Variants in CACNA2D1 observed in about 807,000 individuals in gnomAD.
CACNA2D1 encodes the protein voltage-dependent calcium channel subunit alpha-2/delta-1.
In CACNA2D1, 53 loss-of-function variants were observed where a neutral mutation model predicts 171.5. The ratio of observed to expected loss-of-function variants is 0.31; its 90% CI spans 0.25 to 0.39. CACNA2D1 has a LOEUF of 0.39. Ranked by LOEUF, CACNA2D1 falls within the 10% of genes least tolerant of loss-of-function variation. CACNA2D1 has a pLI of 1.00. For missense variants in CACNA2D1, 903 were observed against 1,299.8 expected (o/e 0.69, Z 4.69); for synonymous variants, 442 against 443.1 (o/e 1.00, Z 0.03).
chr7:82,018,613 A>C (rs1317638611), intron 12 of CACNA2D1, among the ~76,000 whole-genome samples: 2 of 152,174 alleles, frequency 1.3e-5, no homozygotes, highest in Non-Finnish European at 2.9e-5. Flanking sequence ...AAATAAAAAA[A>C]ATTCTTATAA....
At chr7:82,261,443 G>C (rs893923746) in intron 3 of CACNA2D1, among the ~76,000 whole-genome samples, 2 of 152,110 alleles carry the variant, frequency 1.3e-5, no homozygotes, top group East Asian at 3.9e-4. Flanking sequence ...CTTTGCCATG[G>C]TATTTCCATT....
rs1554495184 is a variant in CACNA2D1, at chr7:82,282,713, G to GGA, written c.294+52421_294+52422insTC. 5.5e-5 allele frequency among the ~76,000 whole-genome samples: 8 copies of GGA among 145,124 alleles called. No homozygotes were observed. In the East Asian group the frequency reaches 1.5e-3, roughly 28 times the overall value. On this transcript the variant is annotated intron_variant, in intron 3 of 38. Transcript: ENST00000356860. ...ATAAAATTGTAAAATGTGGGGGGGG[G>GGA]AATCACAGAGGGTTATCTATAAAAA...
chr7:82,092,919 G>C (rs1235828890), intron 6 of CACNA2D1, among the ~76,000 whole-genome samples: 1 of 151,798 alleles, frequency 6.6e-6, no homozygotes, highest in African/African-American at 2.4e-5. Context: ...TCTGAGAGCA[G>C]AGAAATGAAG....
At chr7:81,990,871 C>T (rs1272231050) in intron 21 of CACNA2D1, among the ~76,000 whole-genome samples, 1 of 151,992 alleles carries the variant, frequency 6.6e-6, no homozygotes, top group Admixed American at 6.6e-5. Flanking sequence ...TCAAATGTAC[C>T]TAATGTAAAC....
At chr7:82,429,613 T>C (rs760544149) in intron 1 of CACNA2D1, among the ~76,000 whole-genome samples, 77 of 152,190 alleles carry the variant, frequency 5.1e-4, no homozygotes, top group Non-Finnish European at 9.7e-4. Context: ...CACAGACAGG[T>C]TGTGTCACAT....
At chr7:82,252,386 G>A (rs2129317182) in intron 3 of CACNA2D1, among the ~76,000 whole-genome samples, 1 of 152,164 alleles carries the variant, frequency 6.6e-6, no homozygotes, top group Middle Eastern at 3.4e-3. Flanking sequence ...AAACTGGCAG[G>A]CCTGTCTGGC....
intron 4 of CACNA2D1, among the ~76,000 whole-genome samples, chr7:82,141,634 T>C (rs1046994261): frequency 1.3e-5 from 2 of 152,212 alleles, no homozygotes; most frequent in African/African-American, 4.8e-5. Flanking sequence ...AGGGAGCAAG[T>C]GTTCACCCTA....
At chr7:82,000,566 T>A (rs1445642235) in intron 18 of CACNA2D1, among the ~76,000 whole-genome samples, 2 of 151,808 alleles carry the variant, frequency 1.3e-5, no homozygotes, top group Non-Finnish European at 2.9e-5. Flanking sequence ...AATAACATAT[T>A]ACCTCTTCAT....
intron 21 of CACNA2D1, among the ~76,000 whole-genome samples, chr7:81,985,570 C>G (rs1217610903): frequency 1.3e-5 from 2 of 152,112 alleles, no homozygotes; most frequent in Admixed American, 1.3e-4. Context: ...AATCCTTGGG[C>G]AAGTTCTCTA....
chr7:82,382,616 G>T (rs528002203), intron 1 of CACNA2D1, among the ~76,000 whole-genome samples: 1 of 152,210 alleles, frequency 6.6e-6, no homozygotes, highest in African/African-American at 2.4e-5. Context: ...AAAAAGGAAA[G>T]TGACCCCTTA....
At chr7:82,250,510 C>G (rs1412932423) in intron 3 of CACNA2D1, among the ~76,000 whole-genome samples, 2 of 152,094 alleles carry the variant, frequency 1.3e-5, no homozygotes, top group Non-Finnish European at 2.9e-5. Flanking sequence ...ACAGGCAATT[C>G]TTAGGGATCT....
intron 1 of CACNA2D1, among the ~76,000 whole-genome samples, chr7:82,391,423 C>T (rs1162724418): frequency 1.3e-5 from 2 of 152,196 alleles, no homozygotes; most frequent in African/African-American, 4.8e-5. Flanking sequence ...GCCCACTCAT[C>T]TAAATCAGAA....
intron 1 of CACNA2D1, among the ~76,000 whole-genome samples, chr7:82,432,784 T>C (rs1829803140): frequency 6.6e-6 from 1 of 152,242 alleles, no homozygotes; most frequent in African/African-American, 2.4e-5. Flanking sequence ...AATTAATGAA[T>C]AAGTAATGCT....
chr7:82,365,124 G>A (rs1248056511), intron 1 of CACNA2D1, among the ~76,000 whole-genome samples: 1 of 152,116 alleles, frequency 6.6e-6, no homozygotes, highest in African/African-American at 2.4e-5. Context: ...CTGGAAGTTG[G>A]GAGAAGTGGG....
At chr7:82,374,055 C>T (rs1287894455) in intron 1 of CACNA2D1, among the ~76,000 whole-genome samples, 10 of 152,292 alleles carry the variant, frequency 6.6e-5, no homozygotes, top group African/African-American at 2.4e-4. Context: ...ATGGGTCAGT[C>T]CGCACGAAAC....
At chr7:82,430,349 C>T (rs1161589194) in intron 1 of CACNA2D1, among the ~76,000 whole-genome samples, 2 of 144,740 alleles carry the variant, frequency 1.4e-5, no homozygotes, top group Admixed American at 7.1e-5. Context: ...ACCCAGGAGG[C>T]GGAGGTTGCA....
intron 7 of CACNA2D1, among the ~76,000 whole-genome samples, chr7:82,074,238 A>G (rs1808685202): frequency 6.6e-6 from 1 of 151,818 alleles, no homozygotes. Context: ...TTACTTTTTT[A>G]TTTTTTGAGA....
intron 4 of CACNA2D1, among the ~76,000 whole-genome samples, chr7:82,160,847 A>G (rs978685494): frequency 2.0e-5 from 3 of 152,110 alleles, no homozygotes; most frequent in African/African-American, 7.2e-5. Flanking sequence ...TTAACTGACT[A>G]AAAATCTTAT....
chr7:82,068,975 A>C (rs1807992091), intron 7 of CACNA2D1, among the ~76,000 whole-genome samples: 1 of 152,104 alleles, frequency 6.6e-6, no homozygotes, highest in African/African-American at 2.4e-5. Context: ...TTATAACCTT[A>C]GGTGGTTTAT....
Sources: gnomAD v4.1 joint callset for allele counts (sites outside exome capture counted in the v4.1 genomes callset) on GRCh38, gnomAD v4.1.1 for gene constraint, MANE v1.5 for transcripts, NCBI Gene and HGNC (gene_info 2026-07-23, HGNC 2026-07-21) for gene names.